The following FBXL7 variants were observed in gnomAD, a reference collection of about 807,000 sequenced individuals.
The protein encoded by FBXL7 is F-box/LRR-repeat protein 7.
A neutral mutation model predicts 38.3 loss-of-function variants in FBXL7; 12 were observed. The observed-to-expected ratio is 0.31, with a 90% CI of 0.20 to 0.51. The LOEUF is 0.51. FBXL7 is among the 20% of genes least tolerant of loss of function. The pLI is 0.98. For missense variants in FBXL7, 567 were observed against 676.4 expected, an observed-to-expected ratio of 0.84 and a Z score of 1.79; for synonymous variants, 297 against 300.9, an observed-to-expected ratio of 0.99 and a Z score of 0.13.
chr5:15,784,486 T>C (rs994770926), intron 2 of FBXL7, among the ~76,000 whole-genome samples: 1 of 152,032 alleles, frequency 6.6e-6, no homozygotes, highest in Non-Finnish European at 1.5e-5. Context: ...AATATTGATA[T>C]GGTTTGGATA....
At chr5:15,787,119 C>A (rs1457332269) in intron 2 of FBXL7, among the ~76,000 whole-genome samples, 1 of 152,150 alleles carries the variant, frequency 6.6e-6, no homozygotes, top group African/African-American at 2.4e-5. Flanking sequence ...CCAGGGAGTG[C>A]CGCCCCACCT....
chr5:15,869,365 G>A (rs959598627), intron 2 of FBXL7, among the ~76,000 whole-genome samples: 1 of 152,086 alleles, frequency 6.6e-6, no homozygotes, highest in Non-Finnish European at 1.5e-5. Flanking sequence ...AGGCTAAATG[G>A]GACAGTCCCC....
rs367913177 is a variant in FBXL7, at chr5:15,616,014, G to A, written c.69G>A (p.Val23=). Residue 23 remains valine (V), a synonymous_variant, in exon 2 of 4, where the codon GTG becomes GTA. Transcript: ENST00000504595. ...GCAGCTCGAGCATCTCATCTGACGTGAGTTCAAGTACAGATCACACGCCCA... is the reference window on the plus strand; with the variant it reads ...GCAGCTCGAGCATCTCATCTGACGTAAGTTCAAGTACAGATCACACGCCCA... The part of the protein sequence containing the change: ...GKGSSSISSD[V]SSSTDHTPTK... The A allele has an allele frequency of 5.6e-6, 9 of 1,613,094 alleles. No individual in the cohort carries two copies. Among genetic ancestry groups the A allele is most frequent in the African/African-American group, 1.3e-5 (1 of 74,890 alleles).
intron 2 of FBXL7, among the ~76,000 whole-genome samples, chr5:15,874,071 A>G (rs1213704806): frequency 6.6e-6 from 1 of 152,192 alleles, no homozygotes; most frequent in Non-Finnish European, 1.5e-5. Context: ...CTTATCCACC[A>G]CAATCAAGTC....
intron 2 of FBXL7, among the ~76,000 whole-genome samples, chr5:15,674,838 G>C (rs762578963): frequency 6.6e-6 from 1 of 152,188 alleles, no homozygotes. Flanking sequence ...TTGTCTTAGT[G>C]AACTGGAAAA....
intron 2 of FBXL7, among the ~76,000 whole-genome samples, chr5:15,860,847 T>G (rs541150653): frequency 1.3e-5 from 2 of 152,296 alleles, no homozygotes; most frequent in East Asian, 3.9e-4. Context: ...CTAGACCAGA[T>G]GTCTAATTAT....
At position 15,719,520 on chromosome 5, in the gene FBXL7, C is replaced by A. The variant is rs1028346897; in HGVS notation, c.127+103448C>A. 2.7e-5 allele frequency among the ~76,000 whole-genome samples: 4 copies of A among 148,702 alleles called. 1 individual carries two copies. Among genetic ancestry groups the A allele is most frequent in the Non-Finnish European group, 4.5e-5 (3 of 66,650 alleles). The stretch of plus-strand genomic sequence containing the variant: ...GCCAGTCTGGGAATAAAGTCTTGCT[C>A]CTGACACTACAATATATGAAGGACA... On this transcript the variant is annotated intron_variant, in intron 2 of 3. Coordinates refer to ENST00000504595, the MANE Select transcript of FBXL7 (RefSeq NM_012304.5).
At chr5:15,654,418 GAAAA>G (rs200453697) in intron 2 of FBXL7, among the ~76,000 whole-genome samples, 1 of 126,396 alleles carries the variant, frequency 7.9e-6, no homozygotes, top group South Asian at 2.6e-4. Context: ...ATAAAAAACT[GAAAA>G]AAAAAAAAAA....
chr5:15,635,826 G>A (rs1445366766), intron 2 of FBXL7, among the ~76,000 whole-genome samples: 1 of 152,110 alleles, frequency 6.6e-6, no homozygotes, highest in Admixed American at 6.5e-5. Context: ...GGGCAGTGAG[G>A]GCACCTGCCA....
intron 2 of FBXL7, among the ~76,000 whole-genome samples, chr5:15,710,446 C>A (rs565672039): frequency 6.6e-6 from 1 of 152,290 alleles, no homozygotes; most frequent in Admixed American, 6.5e-5. Context: ...GTACTCACAG[C>A]GAGACCTTCC....
intron 2 of FBXL7, among the ~76,000 whole-genome samples, chr5:15,837,894 G>A (rs904893016): frequency 1.3e-5 from 2 of 152,120 alleles, no homozygotes; most frequent in African/African-American, 4.8e-5. Context: ...TTTATTTTTA[G>A]AGAGAGTTTT....
intron 1 of FBXL7, among the ~76,000 whole-genome samples, chr5:15,517,139 G>A (rs184715525): frequency 0.014 from 2,092 of 152,140 alleles, 159 homozygotes; most frequent in Admixed American, 0.12. Flanking sequence ...CCATTCTCCT[G>A]CCTCAGCCTC....
chr5:15,919,764 C>T (rs181860474), intron 2 of FBXL7, among the ~76,000 whole-genome samples: 1 of 152,292 alleles, frequency 6.6e-6, no homozygotes, highest in Admixed American at 6.5e-5. Flanking sequence ...TCTTGGACTT[C>T]TGAAAACTGA....
intron 2 of FBXL7, among the ~76,000 whole-genome samples, chr5:15,699,864 T>C (rs1743467626): frequency 6.6e-6 from 1 of 152,194 alleles, no homozygotes; most frequent in Non-Finnish European, 1.5e-5. Flanking sequence ...CTGAATGTAT[T>C]GGGTAAAAGA....
At chr5:15,857,096 G>A (rs902203147) in intron 2 of FBXL7, among the ~76,000 whole-genome samples, 18 of 152,078 alleles carry the variant, frequency 1.2e-4, no homozygotes, top group African/African-American at 3.4e-4. Flanking sequence ...TGGCACTGCC[G>A]CAGGCATTGT....
At chr5:15,884,233 T>C (rs1740580101) in intron 2 of FBXL7, among the ~76,000 whole-genome samples, 1 of 150,296 alleles carries the variant, frequency 6.7e-6, no homozygotes, top group Non-Finnish European at 1.5e-5. Context: ...ACACTAATAC[T>C]ATGGGATCAG....
intron 2 of FBXL7, among the ~76,000 whole-genome samples, chr5:15,779,541 T>C (rs1736940198): frequency 6.6e-6 from 1 of 152,114 alleles, no homozygotes; most frequent in Admixed American, 6.6e-5. Context: ...GCAGTTATTA[T>C]CTTGTCTCCA....
At chr5:15,790,526 G>A (rs1388270877) in intron 2 of FBXL7, among the ~76,000 whole-genome samples, 1 of 152,168 alleles carries the variant, frequency 6.6e-6, no homozygotes, top group African/African-American at 2.4e-5. Flanking sequence ...AGCCACCCAT[G>A]CCAGCATTTT....
At chr5:15,668,972 A>G (rs1399695692) in intron 2 of FBXL7, among the ~76,000 whole-genome samples, 2 of 152,200 alleles carry the variant, frequency 1.3e-5, no homozygotes, top group African/African-American at 2.4e-5. Flanking sequence ...GAGATAATAC[A>G]TATACAATGC....
Sources: allele counts gnomAD v4.1 joint callset (sites outside exome capture counted in the v4.1 genomes callset), GRCh38; gene constraint gnomAD v4.1.1; transcripts MANE v1.5; gene names NCBI Gene and HGNC (gene_info 2026-07-23, HGNC 2026-07-21).